The following SH3GL1 variants were observed in gnomAD, a reference collection of about 807,000 sequenced individuals.
SH3GL1 encodes the protein endophilin-A2.
Under a neutral mutation model 48.8 loss-of-function variants are expected in SH3GL1, and 21 were observed. The observed-to-expected ratio is 0.43, with a 90% CI of 0.30 to 0.62. SH3GL1 has a LOEUF of 0.62. SH3GL1 is among the 20% of genes least tolerant of loss of function. SH3GL1 has a pLI of 0.11. For missense variants in SH3GL1, 454 were observed against 503.0 expected, an observed-to-expected ratio of 0.90 and a Z score of 0.93; for synonymous variants, 282 against 217.5, an observed-to-expected ratio of 1.30 and a Z score of -2.61.
chr19:4,368,245 G>C (rs140154685), intron 1 of SH3GL1, among the ~76,000 whole-genome samples: 1 of 152,248 alleles, frequency 6.6e-6, no homozygotes, highest in Non-Finnish European at 1.5e-5. Context: ...ATGAGGGTCC[G>C]TGTGGTGCCA....
At chr19:4,387,606 C>G (rs535429603) in intron 1 of SH3GL1, among the ~76,000 whole-genome samples, 21 of 151,918 alleles carry the variant, frequency 1.4e-4, no homozygotes, top group Admixed American at 6.5e-4. Context: ...AGCTCTTTCA[C>G]AAGAGAGCAC....
At chr19:4,384,865 A>C (rs1311949103) in intron 1 of SH3GL1, among the ~76,000 whole-genome samples, 1 of 152,208 alleles carries the variant, frequency 6.6e-6, no homozygotes, top group African/African-American at 2.4e-5. Context: ...GCACTCTGGG[A>C]GGCCAAAGCA....
At chr19:4,383,512 C>A (rs1389259277) in intron 1 of SH3GL1, among the ~76,000 whole-genome samples, 1 of 152,146 alleles carries the variant, frequency 6.6e-6, no homozygotes, top group Non-Finnish European at 1.5e-5. Flanking sequence ...GGGTGACAGG[C>A]ATGAGCCGCT....
Position 4,365,467 on chromosome 19 carries a change from G to A in SH3GL1, c.331+15C>T. On this transcript the variant is annotated intron_variant, in intron 4 of 9. Coordinates refer to ENST00000269886, the MANE Select transcript of SH3GL1 (RefSeq NM_003025.4). The stretch of plus-strand genomic sequence containing the variant: ...CCAGGGACGGTGGGCGTGGCTTCCA[G>A]AGAGCACCACTCACCAAAGTTGGAC... 1 of 1,613,128 alleles carries A rather than the reference G, an allele frequency of 6.2e-7. No individual in the cohort carries two copies. Among genetic ancestry groups the A allele is most frequent in the Non-Finnish European group, 8.5e-7 (1 of 1,179,972 alleles).
At chr19:4,368,262 G>A (rs573175510) in intron 1 of SH3GL1, among the ~76,000 whole-genome samples, 5 of 152,364 alleles carry the variant, frequency 3.3e-5, no homozygotes, top group Admixed American at 1.3e-4. Flanking sequence ...GCCACACTGC[G>A]TTGGCTGTGT....
Position 4,361,767 on chromosome 19 carries a change from G to T in SH3GL1, c.940C>A (p.Leu314Met). 6.2e-7 allele frequency: 1 copy of T among 1,610,944 alleles called. No homozygotes were observed. The change falls in exon 10 of 10, where the codon CTG becomes ATG. Residue 314 changes from leucine (L) to methionine (M), a missense_variant. Coordinates refer to ENST00000269886, the MANE Select transcript of SH3GL1 (RefSeq NM_003025.4). ...PPLDQPSCKA[L>M]YDFEPENDGE... ...TCGTTCTCGGGCTCGAAGTCGTACA[G>T]CGCCTTGCAGCTCGGCTGGTCCAGG... is the stretch of plus-strand genomic sequence containing the variant.
At position 4,361,052 on chromosome 19, in the gene SH3GL1, G is replaced by A. The variant is rs1242802563; in HGVS notation, c.*548C>T. 8.5e-6 allele frequency: 2 copies of A among 235,554 alleles called. No homozygotes were observed. Among genetic ancestry groups the A allele is most frequent in the African/African-American group, 4.4e-5 (2 of 45,316 alleles). 14.6% of individuals were successfully genotyped at this position (235,554 alleles called of 1,614,324 possible). The stretch of plus-strand genomic sequence containing the variant: ...TCTGCCCTGGCCTTGAGGAGAAGGA[G>A]TGCGTGTGTGAGGCGGGGGTGCATT... On this transcript the variant is annotated 3_prime_UTR_variant, in exon 10 of 10. Coordinates refer to ENST00000269886, the MANE Select transcript of SH3GL1 (RefSeq NM_003025.4).
At chr19:4,366,762 C>G (rs1972789924) in intron 2 of SH3GL1, among the ~76,000 whole-genome samples, 164 bp downstream of exon 2, 1 of 152,012 alleles carries the variant, frequency 6.6e-6, no homozygotes, top group Non-Finnish European at 1.5e-5. Flanking sequence ...TGGTGCCCGT[C>G]AAGTCCAGCT....
chr19:4,379,411 G>A (rs775877757), intron 1 of SH3GL1, among the ~76,000 whole-genome samples: 4 of 148,902 alleles, frequency 2.7e-5, no homozygotes, highest in Non-Finnish European at 5.9e-5. Flanking sequence ...GGGTGACAGC[G>A]CAAGATGCTG....
chr19:4,361,801 G>A lies in SH3GL1; in HGVS notation c.911-5C>T, dbSNP rs1972623416. 3 of 1,599,126 alleles carry A rather than the reference G, an allele frequency of 1.9e-6. No homozygotes were observed. Among genetic ancestry groups the A allele is most frequent in the African/African-American group, 1.3e-5 (1 of 74,820 alleles). On this transcript the variant is annotated splice_polypyrimidine_tract_variant and splice_region_variant and intron_variant, in intron 9 of 9. Transcript: ENST00000269886. ...AGCTCGGCTGGTCCAGGGGCGCTGGGGGCGGGAGCGGGCTGTGGGGCTGGG... is the reference window on the plus strand; with the variant it reads ...AGCTCGGCTGGTCCAGGGGCGCTGGAGGCGGGAGCGGGCTGTGGGGCTGGG...
Position 4,400,489 on chromosome 19 carries a change from G to C in SH3GL1, c.-121C>G, listed in dbSNP as rs1486350985. On this transcript the variant is annotated 5_prime_UTR_variant, in exon 1 of 10. Coordinates refer to ENST00000269886, the MANE Select transcript of SH3GL1 (RefSeq NM_003025.4). The surrounding 1 kb of genome is among the most constrained non-coding windows in gnomAD (Gnocchi z 4.1). ...CGCCGCCTCCGCCACCCGCTTGCCA[G>C]CTCCGCGCCCGCCCCGGCGCCGCCT... 2.3e-6 allele frequency: 2 copies of C among 872,744 alleles called. No homozygotes were observed. The highest frequency in any genetic ancestry group is 5.3e-5 in the South Asian group (1 of 18,904). The allele number at this position is 872,744 out of a possible 1,614,324, so 54.1% of individuals were successfully genotyped here.
At chr19:4,394,960 C>T (rs1973399714) in intron 1 of SH3GL1, among the ~76,000 whole-genome samples, 3 of 152,256 alleles carry the variant, frequency 2.0e-5, no homozygotes, top group Admixed American at 6.5e-5. Flanking sequence ...CTGTCTCCGA[C>T]ATTGCCAAGC....
rs757034009 is a variant in SH3GL1 at position 4,362,703 on chromosome 19, C to T, written c.762G>A (p.Glu254=). 5.6e-6 allele frequency: 9 copies of T among 1,613,930 alleles called. No homozygotes were observed. In the Admixed American group the frequency reaches 1.5e-4, roughly 27 times the overall value. Residue 254 remains glutamate, a synonymous_variant, in exon 8 of 10, where the codon GAG becomes GAA. Transcript: ENST00000269886. ...AGGGCTCCCGGGGCTTGGGCTTATA[C>T]TCCCGCTTAGGGCGTGAGGAAGCTT... ...MREASSRPKR[E]YKPKPREPFD...
At chr19:4,388,826 GAC>G (rs1274911781) in intron 1 of SH3GL1, among the ~76,000 whole-genome samples, 2 of 152,242 alleles carry the variant, frequency 1.3e-5, no homozygotes, top group Non-Finnish European at 2.9e-5. Flanking sequence ...GACTGCCTGT[GAC>G]ACAGTCAGGC....
At chr19:4,397,146 A>G (rs1973440241) in intron 1 of SH3GL1, among the ~76,000 whole-genome samples, 2 of 152,226 alleles carry the variant, frequency 1.3e-5, no homozygotes, top group South Asian at 4.1e-4. Flanking sequence ...ACGTCCAGAT[A>G]ACAGCTGAGA....
rs371588291 is a variant in SH3GL1, at chr19:4,376,669, T to C, written c.46-9675A>G. ...CTCCCCTCAGAGCTTTTGCTCTCGC[T>C]GTTCCTTCTCCCTCACTGAGCCTCC... On this transcript the variant is annotated intron_variant, in intron 1 of 9. Transcript: ENST00000269886. The surrounding 1 kb of genome is among the most constrained non-coding windows in gnomAD (Gnocchi z 4.3). Among the ~76,000 whole-genome samples the C allele has an allele frequency of 6.6e-6, 1 of 152,062 alleles. No individual in the cohort carries two copies.
At chr19:4,362,465 C>T in intron 8 of SH3GL1, 80 bp from the exon 9 acceptor site, 1 of 1,571,870 alleles carries the variant, frequency 6.4e-7, no homozygotes, top group South Asian at 1.1e-5. Context: ...GGGGCCAGCC[C>T]TTCCCGTCTG....
intron 6 of SH3GL1, 28 bp downstream of exon 6, chr19:4,363,692 T>G (rs1356631668): frequency 3.1e-6 from 5 of 1,611,976 alleles, no homozygotes; most frequent in African/African-American, 1.3e-5. Flanking sequence ...ATAGGTCTTC[T>G]CAGGATGTGA....
In SH3GL1 at chr19:4,360,485, G is replaced by A. The variant is rs896382521; in HGVS notation, c.*1115C>T. ...TCTGCGCCCCTCATGTACTTCTGAC[G>A]AGGGGGGTGCAGGGCAGGGCAGAGC... is the stretch of plus-strand genomic sequence containing the variant. On this transcript the variant is annotated 3_prime_UTR_variant, in exon 10 of 10. Transcript: ENST00000269886. 3.8e-5 allele frequency: 9 copies of A among 234,016 alleles called. No individual in the cohort carries two copies. The highest frequency in any genetic ancestry group is 1.8e-4 in the South Asian group (1 of 5,714). The allele number at this position is 234,016 out of a possible 1,614,324, so 14.5% of individuals were successfully genotyped here. A position where few individuals can be genotyped will look rare whatever the true frequency, so the allele number is the denominator to read the frequency against.
Sources: allele counts gnomAD v4.1 joint callset (sites outside exome capture counted in the v4.1 genomes callset), GRCh38; gene constraint gnomAD v4.1.1; non-coding constraint Gnocchi (gnomAD v3.1); transcripts MANE v1.5; gene names NCBI Gene and HGNC (gene_info 2026-07-23, HGNC 2026-07-21).